The following UHRF2 variants were observed in gnomAD, a reference collection of about 807,000 sequenced individuals.
UHRF2 encodes ubiquitin like with PHD and ring finger domains 2, also known as E3 ubiquitin-protein ligase UHRF2.
UHRF2 carries 23 observed loss-of-function variants against 96.8 expected under a neutral mutation model. The ratio of observed to expected loss-of-function variants is 0.24; its 90% CI spans 0.17 to 0.34. The LOEUF (loss-of-function observed/expected upper bound fraction) is 0.34, where lower values mean the gene tolerates loss of function less well. Among genes scored for constraint, UHRF2 ranks in the 10% least tolerant of loss-of-function variants. UHRF2 has a pLI of 1.00. For missense variants in UHRF2, 685 were observed against 981.5 expected (o/e 0.70, Z 4.04); for synonymous variants, 385 against 332.6 (o/e 1.16, Z -1.72).
rs116778827 is a variant in UHRF2, at chr9:6,443,721, A to G, written c.644+9548A>G. On this transcript the variant is annotated intron_variant, in intron 3 of 15. Coordinates refer to ENST00000276893, the MANE Select transcript of UHRF2 (RefSeq NM_152896.3). ...GGGTTGCTTAAACCAAATAGGTTCA[A>G]CTGTTACTTTTAATACAGTGTCAAG... Among the ~76,000 whole-genome samples, 1,314 of 152,358 alleles carry G rather than the reference A, an allele frequency of 8.6e-3. 19 individuals are homozygous for G. Among genetic ancestry groups the G allele is most frequent in the African/African-American group, 0.03 (1,237 of 41,582 alleles).
At chr9:6,423,367 G>A (rs1473367956) in intron 2 of UHRF2, among the ~76,000 whole-genome samples, 1 of 152,102 alleles carries the variant, frequency 6.6e-6, no homozygotes, top group African/African-American at 2.4e-5. Context: ...ATGACAAAAA[G>A]CACATCAGCT....
intron 2 of UHRF2, among the ~76,000 whole-genome samples, chr9:6,424,309 A>G (rs1820111671): frequency 6.6e-6 from 1 of 152,210 alleles, no homozygotes; most frequent in African/African-American, 2.4e-5. Context: ...ATTTGCAATA[A>G]CAAAAGGTAG....
chr9:6,420,836 A>G lies in UHRF2; in HGVS notation c.154-76A>G, dbSNP rs546939762. The G allele has an allele frequency of 1.3e-5, 16 of 1,199,354 alleles. No individual in the cohort carries two copies. In the South Asian group the frequency reaches 1.5e-4, roughly 11 times the overall value. The allele number at this position is 1,199,354 out of a possible 1,614,324, so 74.3% of individuals were successfully genotyped here. A position where few individuals can be genotyped will look rare whatever the true frequency, so the allele number is the denominator to read the frequency against. ...AGTGCTATGGATTTTAAGTTTGGCT[A>G]GGACATTTGAGCAACTAAAAATGTA... On this transcript the variant is annotated intron_variant, in intron 1 of 15. Coordinates refer to ENST00000276893, the MANE Select transcript of UHRF2 (RefSeq NM_152896.3).
At chr9:6,462,119 C>G (rs566237844) in intron 4 of UHRF2, among the ~76,000 whole-genome samples, 2 of 152,162 alleles carry the variant, frequency 1.3e-5, no homozygotes, top group South Asian at 4.1e-4. Context: ...CGAGGATAGG[C>G]AAGCTTATAG....
chr9:6,434,230 C>G (rs1587785247), intron 3 of UHRF2, 57 bp downstream of exon 3: 1 of 1,511,998 alleles, frequency 6.6e-7, no homozygotes, highest in African/African-American at 1.4e-5. Context: ...GAAACCAAAG[C>G]CTTCTATTTC....
chr9:6,455,091 G>A (rs975020614), intron 3 of UHRF2, among the ~76,000 whole-genome samples: 2 of 152,106 alleles, frequency 1.3e-5, no homozygotes, highest in East Asian at 3.9e-4. Context: ...TCATTTCTTT[G>A]TCCCTCTACT....
chr9:6,425,072 C>G (rs548364680), intron 2 of UHRF2, among the ~76,000 whole-genome samples: 1 of 152,310 alleles, frequency 6.6e-6, no homozygotes, highest in African/African-American at 2.4e-5. Context: ...ACTCCCACAC[C>G]TCCTTCCTGT....
Position 6,506,108 on chromosome 9 carries a change from A to G in UHRF2, c.2338A>G (p.Ile780Val), listed in dbSNP as rs1184676508. 4 of 1,614,072 alleles carry G rather than the reference A, an allele frequency of 2.5e-6. No individual in the cohort carries two copies. The highest frequency in any genetic ancestry group is 1.6e-4 in the Middle Eastern group (1 of 6,084). Residue 780 changes from isoleucine (I) to valine (V), a missense_variant, in exon 16 of 16, where the codon ATC becomes GTC. By Grantham distance (29) the Ile-to-Val change is conservative. Around this residue, in one of 6 missense-constraint regions of UHRF2, gnomAD observed 71 missense variants for 114.1 expected, o/e 0.62. Transcript: ENST00000276893. Reference protein sequence around the residue: ...ACRHDLGQNYIMIPNEILQTL... With the variant: ...ACRHDLGQNYVMIPNEILQTL... ...CCGGCATGATCTTGGCCAGAATTAC[A>G]TCATGATTCCCAATGAGATTCTGCA...
intron 15 of UHRF2, among the ~76,000 whole-genome samples, chr9:6,505,359 G>A (rs958445262): frequency 2.6e-5 from 4 of 152,134 alleles, no homozygotes; most frequent in African/African-American, 7.2e-5. Context: ...GTAGTGGTGC[G>A]ATCTGGGCTC....
At chr9:6,460,474 C>T in intron 3 of UHRF2, 99 bp from the exon 4 acceptor site, 3 of 1,009,460 alleles carry the variant, frequency 3.0e-6, no homozygotes, top group East Asian at 2.5e-5. Flanking sequence ...TACTCTTTCT[C>T]TTAGATGATT....
chr9:6,477,928 C>T (rs1823683316), intron 6 of UHRF2, 120 bp downstream of exon 6: 1 of 830,978 alleles, frequency 1.2e-6, no homozygotes, highest in African/African-American at 1.7e-5. Flanking sequence ...AATGTTATGG[C>T]CAGTGGTTAC....
intron 4 of UHRF2, 92 bp downstream of exon 4, chr9:6,460,883 G>C (rs1433131012): frequency 9.9e-7 from 1 of 1,008,676 alleles, no homozygotes; most frequent in Non-Finnish European, 1.4e-6. Context: ...AGTAAAAAAA[G>C]ATGGAGTCTA....
intron 4 of UHRF2, among the ~76,000 whole-genome samples, chr9:6,470,061 G>A (rs1038872517): frequency 6.6e-6 from 1 of 152,130 alleles, no homozygotes; most frequent in Non-Finnish European, 1.5e-5. Flanking sequence ...GGAATGGCAT[G>A]TGAAAATACT....
intron 6 of UHRF2, 88 bp from the exon 7 acceptor site, chr9:6,481,555 C>G (rs1823927793): frequency 6.8e-7 from 1 of 1,474,330 alleles, no homozygotes; most frequent in South Asian, 1.4e-5. Flanking sequence ...CATCTTAAAA[C>G]TTGCTCTTAC....
intron 3 of UHRF2, among the ~76,000 whole-genome samples, chr9:6,445,130 TAA>T (rs34294660): frequency 1.1e-4 from 13 of 114,146 alleles, no homozygotes; most frequent in Admixed American, 1.9e-4. Context: ...ATCTCTTATT[TAA>T]AAAAAAAAAA....
At chr9:6,459,681 A>G (rs1361892542) in intron 3 of UHRF2, among the ~76,000 whole-genome samples, 1 of 152,106 alleles carries the variant, frequency 6.6e-6, no homozygotes, top group African/African-American at 2.4e-5. Flanking sequence ...AAAACAAAAC[A>G]AAAAACTTGA....
intron 2 of UHRF2, among the ~76,000 whole-genome samples, chr9:6,429,650 A>C (rs180926227): frequency 2.0e-5 from 3 of 152,294 alleles, no homozygotes; most frequent in Admixed American, 2.0e-4. Flanking sequence ...AGTTTTAATG[A>C]GTCTTAACAT....
At chr9:6,451,466 G>GTTTTTTTTTTTTTT (rs34757017) in intron 3 of UHRF2, among the ~76,000 whole-genome samples, 1 of 141,816 alleles carries the variant, frequency 7.1e-6, no homozygotes, top group Non-Finnish European at 1.6e-5. Flanking sequence ...GTTTTTTTTT[G>GTTTTTTTTTTTTTT]TTTTTTTTTT....
intron 2 of UHRF2, among the ~76,000 whole-genome samples, chr9:6,428,794 C>A (rs1018326849): frequency 6.6e-6 from 1 of 152,096 alleles, no homozygotes; most frequent in African/African-American, 2.4e-5. Flanking sequence ...AACAGTCCTC[C>A]TGCCACTTCC....
Sources: allele counts gnomAD v4.1 joint callset (sites outside exome capture counted in the v4.1 genomes callset), GRCh38; gene constraint gnomAD v4.1.1; regional missense constraint gnomAD v4.1.1; transcripts MANE v1.5; gene names NCBI Gene and HGNC (gene_info 2026-07-23, HGNC 2026-07-21).